Variants in FHIT observed in about 807,000 individuals in gnomAD.
FHIT encodes bis(5'-adenosyl)-triphosphatase.
In FHIT, 19 loss-of-function variants were observed where a neutral mutation model predicts 17.9. That is an observed-to-expected ratio of 1.06 (90% CI 0.74 to 1.56). The LOEUF is 1.56. Ranked by LOEUF, FHIT falls within the 40% of genes most tolerant of loss-of-function variation. The probability of loss-of-function intolerance (pLI) is 0.00; values close to 1 mark genes in which losing one functional copy is unlikely to be tolerated. For missense variants in FHIT, 248 were observed against 189.2 expected (o/e 1.31, Z -1.82); for synonymous variants, 81 against 69.7 (o/e 1.16, Z -0.81).
chr3:60,697,088 TC>T (rs1431447441), intron 4 of FHIT, among the ~76,000 whole-genome samples: 3 of 152,132 alleles, frequency 2.0e-5, no homozygotes, highest in African/African-American at 7.2e-5. Flanking sequence ...CCTAGTATTT[TC>T]CCCCAAATTG....
At chr3:60,142,757 C>T (rs1209069252) in intron 5 of FHIT, among the ~76,000 whole-genome samples, 1 of 151,230 alleles carries the variant, frequency 6.6e-6, no homozygotes, top group Non-Finnish European at 1.5e-5. Flanking sequence ...CTCCTGGCCT[C>T]AAATGATCCT....
At chr3:60,669,856 G>T (rs562390597) in intron 4 of FHIT, among the ~76,000 whole-genome samples, 13 of 152,272 alleles carry the variant, frequency 8.5e-5, no homozygotes, top group African/African-American at 3.1e-4. Flanking sequence ...GAGCAAGAAA[G>T]AATTGAAAAT....
intron 5 of FHIT, among the ~76,000 whole-genome samples, chr3:60,512,474 G>A (rs892316013): frequency 9.9e-5 from 15 of 152,054 alleles, no homozygotes; most frequent in African/African-American, 2.7e-4. Flanking sequence ...GACTGAACTC[G>A]ACCAGCATAG....
At chr3:60,644,715 C>A (rs1314552413) in intron 4 of FHIT, among the ~76,000 whole-genome samples, 4 of 152,174 alleles carry the variant, frequency 2.6e-5, no homozygotes, top group African/African-American at 9.7e-5. Flanking sequence ...AAAACAACTT[C>A]AGGTTACACA....
chr3:60,665,877 T>C (rs782658721), intron 4 of FHIT, among the ~76,000 whole-genome samples: 4 of 152,150 alleles, frequency 2.6e-5, no homozygotes, highest in Non-Finnish European at 5.9e-5. Context: ...CCTTCCTGTG[T>C]GTAACCTAAA....
chr3:59,818,692 T>C (rs765338287), intron 8 of FHIT, among the ~76,000 whole-genome samples: 2 of 152,244 alleles, frequency 1.3e-5, no homozygotes, highest in Non-Finnish European at 2.9e-5. Flanking sequence ...TCATTTTTAC[T>C]GGATGTCTCA....
At chr3:60,940,600 T>C (rs1189730669) in intron 3 of FHIT, among the ~76,000 whole-genome samples, 1 of 152,194 alleles carries the variant, frequency 6.6e-6, no homozygotes, top group Non-Finnish European at 1.5e-5. Context: ...CTGAGGGTTA[T>C]ATGATGACAT....
chr3:59,957,951 G>A lies in FHIT; in HGVS notation c.280-35537C>T, dbSNP rs3772461. ...ATACTTCCAAAATAACAGCCTCATC[G>A]TTTTAATCAACATGTCCTTGAACAC... On this transcript the variant is annotated intron_variant, in intron 7 of 9. Coordinates refer to ENST00000492590, the MANE Select transcript of FHIT (RefSeq NM_002012.4). Among the ~76,000 whole-genome samples, 20 of 152,288 alleles carry A rather than the reference G, an allele frequency of 1.3e-4. No homozygotes were observed. In the East Asian group the frequency reaches 3.1e-3, roughly 24 times the overall value.
chr3:59,947,278 C>T (rs914538024), intron 7 of FHIT, among the ~76,000 whole-genome samples: 5 of 152,086 alleles, frequency 3.3e-5, no homozygotes, highest in African/African-American at 7.2e-5. Context: ...ACTTCTTGTA[C>T]GTTTTCTAAT....
intron 3 of FHIT, among the ~76,000 whole-genome samples, chr3:60,862,518 A>G (rs1703959669): frequency 6.6e-6 from 1 of 152,124 alleles, no homozygotes; most frequent in African/African-American, 2.4e-5. Flanking sequence ...TGAATTGACC[A>G]CTGCAATAGG....
chr3:60,180,477 T>G (rs569755099), intron 5 of FHIT, among the ~76,000 whole-genome samples: 98 of 152,302 alleles, frequency 6.4e-4, no homozygotes, highest in Non-Finnish European at 9.3e-4. Flanking sequence ...GGAATTTTCA[T>G]GGAGACAAAA....
At chr3:60,375,495 A>T (rs1271720333) in intron 5 of FHIT, among the ~76,000 whole-genome samples, 1 of 152,114 alleles carries the variant, frequency 6.6e-6, no homozygotes, top group African/African-American at 2.4e-5. Context: ...GAATCTCTTG[A>T]ACCCAAGAGG....
intron 5 of FHIT, among the ~76,000 whole-genome samples, chr3:60,516,982 T>C (rs1290778870): frequency 6.6e-6 from 1 of 152,196 alleles, no homozygotes; most frequent in African/African-American, 2.4e-5. Context: ...TGAGGATGGA[T>C]AGCAACATCC....
intron 4 of FHIT, among the ~76,000 whole-genome samples, chr3:60,546,354 T>A (rs1051893655): frequency 6.6e-6 from 1 of 152,186 alleles, no homozygotes; most frequent in Admixed American, 6.5e-5. Context: ...TCTTATCCTA[T>A]CCATACTAAT....
chr3:60,722,489 T>G (rs1201330182), intron 4 of FHIT, among the ~76,000 whole-genome samples: 16 of 152,126 alleles, frequency 1.1e-4, no homozygotes, highest in Admixed American at 1.0e-3. Flanking sequence ...AAGGCAGGAT[T>G]TCTCAACCTT....
At chr3:60,364,977 T>A (rs6782631) in intron 5 of FHIT, among the ~76,000 whole-genome samples, 2 of 151,642 alleles carry the variant, frequency 1.3e-5, no homozygotes, top group East Asian at 1.9e-4. Flanking sequence ...GAATAGATCA[T>A]GAGACTTCTC....
intron 5 of FHIT, among the ~76,000 whole-genome samples, chr3:60,118,455 C>T (rs925843961): frequency 2.0e-5 from 3 of 151,672 alleles, no homozygotes; most frequent in African/African-American, 2.4e-5. Flanking sequence ...ATATAGGTAG[C>T]GTTTTGGTAA....
chr3:60,149,841 T>C (rs1173804625), intron 5 of FHIT, among the ~76,000 whole-genome samples: 2 of 151,440 alleles, frequency 1.3e-5, no homozygotes, highest in South Asian at 2.1e-4. Context: ...CCTAATCCAT[T>C]CTAATCAGGG....
At chr3:60,578,235 G>C (rs564628512) in intron 4 of FHIT, among the ~76,000 whole-genome samples, 2 of 152,108 alleles carry the variant, frequency 1.3e-5, no homozygotes, top group East Asian at 3.9e-4. Flanking sequence ...TCAAGATATT[G>C]AGACCATCCT....
Sources: allele counts gnomAD v4.1 joint callset (sites outside exome capture counted in the v4.1 genomes callset), GRCh38; gene constraint gnomAD v4.1.1; transcripts MANE v1.5; gene names NCBI Gene and HGNC (gene_info 2026-07-23, HGNC 2026-07-21).